The following KCTD16 variants were observed in gnomAD, a reference collection of about 807,000 sequenced individuals.
KCTD16 encodes the protein BTB/POZ domain-containing protein KCTD16.
KCTD16 carries 13 observed loss-of-function variants against 33.2 expected under a neutral mutation model. The observed-to-expected ratio is 0.39, with a 90% confidence interval of 0.25 to 0.62. The LOEUF is 0.62. Ranked by LOEUF, KCTD16 falls within the 20% of genes least tolerant of loss-of-function variation. The probability of loss-of-function intolerance (pLI) is 0.50; values close to 1 mark genes in which losing one functional copy is unlikely to be tolerated. For missense variants in KCTD16, 441 were observed against 525.1 expected, an observed-to-expected ratio of 0.84 and a Z score of 1.57; for synonymous variants, 197 against 195.3, an observed-to-expected ratio of 1.01 and a Z score of -0.07.
intron 3 of KCTD16, among the ~76,000 whole-genome samples, chr5:144,417,323 C>T (rs1476696902): frequency 6.6e-6 from 1 of 152,012 alleles, no homozygotes; most frequent in African/African-American, 2.4e-5. Flanking sequence ...TAGTGGATAT[C>T]AAATGGTGCC....
intron 3 of KCTD16, among the ~76,000 whole-genome samples, chr5:144,372,275 G>A (rs182791414): frequency 6.6e-6 from 1 of 151,682 alleles, no homozygotes; most frequent in Non-Finnish European, 1.5e-5. Context: ...TAAGGATTCA[G>A]TTAGAAAATG....
chr5:144,332,466 T>A (rs527544070), intron 3 of KCTD16, among the ~76,000 whole-genome samples: 5 of 152,222 alleles, frequency 3.3e-5, no homozygotes, highest in African/African-American at 1.2e-4. Context: ...TCTCTCTACC[T>A]GACAGTAGCA....
chr5:144,176,578 A>G (rs529954609), intron 2 of KCTD16, among the ~76,000 whole-genome samples: 139 of 148,756 alleles, frequency 9.3e-4, no homozygotes, highest in Middle Eastern at 3.4e-3. Flanking sequence ...AATTTTTTGT[A>G]TTTTTAGTAG....
intron 3 of KCTD16, among the ~76,000 whole-genome samples, chr5:144,470,994 A>G (rs1052348710): frequency 6.6e-6 from 1 of 152,176 alleles, no homozygotes; most frequent in East Asian, 1.9e-4. Context: ...AAGCCTGGCT[A>G]TGGTGAAACC....
Position 144,378,066 on chromosome 5 carries a change from T to C in KCTD16, c.833-95594T>C, listed in dbSNP as rs1752131976. On this transcript the variant is annotated intron_variant, in intron 3 of 3. Transcript: ENST00000512467. Reference sequence around the variant, plus strand: ...AAGAAAACAAAGGAACTTAAACACTTAGCAGATATTCAGATTTCCATGCAT... The same window carrying C: ...AAGAAAACAAAGGAACTTAAACACTCAGCAGATATTCAGATTTCCATGCAT... 3.9e-5 allele frequency among the ~76,000 whole-genome samples: 6 copies of C among 152,294 alleles called. No homozygotes were observed. In the South Asian group the frequency reaches 1.2e-3, roughly 32 times the overall value.
At chr5:144,331,747 A>G (rs1752364503) in intron 3 of KCTD16, among the ~76,000 whole-genome samples, 1 of 152,212 alleles carries the variant, frequency 6.6e-6, no homozygotes, top group African/African-American at 2.4e-5. Flanking sequence ...CTTAAGGAGC[A>G]GTGGGAAAGT....
Position 144,357,590 on chromosome 5 carries a change from T to G in KCTD16, c.833-116070T>G, listed in dbSNP as rs551146078. Among the ~76,000 whole-genome samples, 6 of 152,278 alleles carry G rather than the reference T, an allele frequency of 3.9e-5. No homozygotes were observed. The East Asian group carries it at 1.2e-3, about 29-fold the overall frequency. On this transcript the variant is annotated intron_variant, in intron 3 of 3. Coordinates refer to ENST00000512467, the MANE Select transcript of KCTD16 (RefSeq NM_020768.4). ...TAAATTAAATATAACCAAGGTATGCTCTCTCCAGAAACTCACAGCTCAGTG... is the reference window on the plus strand; with the variant it reads ...TAAATTAAATATAACCAAGGTATGCGCTCTCCAGAAACTCACAGCTCAGTG...
At chr5:144,359,126 A>G (rs1455887783) in intron 3 of KCTD16, among the ~76,000 whole-genome samples, 2 of 152,170 alleles carry the variant, frequency 1.3e-5, no homozygotes, top group African/African-American at 4.8e-5. Flanking sequence ...AGTCATACCC[A>G]ATACATACTT....
intron 3 of KCTD16, among the ~76,000 whole-genome samples, chr5:144,299,817 A>G (rs1312112565): frequency 6.6e-6 from 1 of 151,862 alleles, no homozygotes. Context: ...TTAAGTATGA[A>G]TAACCTTACT....
intron 3 of KCTD16, among the ~76,000 whole-genome samples, chr5:144,386,977 CT>C (rs34176085): frequency 0.031 from 4,542 of 146,376 alleles, 105 homozygotes; most frequent in African/African-American, 0.057. Context: ...TTACAAAGCA[CT>C]TTTTTTTTTT....
chr5:144,422,481 T>C (rs932999668), intron 3 of KCTD16, among the ~76,000 whole-genome samples: 1 of 152,198 alleles, frequency 6.6e-6, no homozygotes, highest in Non-Finnish European at 1.5e-5. Context: ...TTTCAGCAAG[T>C]GCTATTTATT....
In KCTD16 at chr5:144,196,014, A is replaced by G. The variant is rs1752933368; in HGVS notation, c.-326-10375A>G. Among the ~76,000 whole-genome samples, 5 of 152,276 alleles carry G rather than the reference A, an allele frequency of 3.3e-5. No homozygotes were observed. In the South Asian group the frequency reaches 1.0e-3, roughly 32 times the overall value. ...GGATTATAAGCTTAGTGAAGGTAAC[A>G]CTCATGTTTGATTCACTATTACATT... is the stretch of plus-strand genomic sequence containing the variant. On this transcript the variant is annotated intron_variant, in intron 2 of 3. Coordinates refer to ENST00000512467, the MANE Select transcript of KCTD16 (RefSeq NM_020768.4).
intron 2 of KCTD16, among the ~76,000 whole-genome samples, chr5:144,188,448 C>T (rs1261222304): frequency 6.6e-6 from 1 of 152,180 alleles, no homozygotes; most frequent in Non-Finnish European, 1.5e-5. Context: ...TAAGCTTTCT[C>T]ATCCTAACTC....
intron 3 of KCTD16, among the ~76,000 whole-genome samples, chr5:144,448,829 T>C (rs1359299893): frequency 6.6e-6 from 1 of 152,102 alleles, no homozygotes; most frequent in African/African-American, 2.4e-5. Flanking sequence ...ATGGCTTTTA[T>C]TATATCACAT....
chr5:144,435,037 G>A (rs1753544727), intron 3 of KCTD16, among the ~76,000 whole-genome samples: 1 of 152,060 alleles, frequency 6.6e-6, no homozygotes, highest in Non-Finnish European at 1.5e-5. Flanking sequence ...GTGGCCAGAG[G>A]CAAATGTCAA....
chr5:144,468,378 C>T (rs544610966), intron 3 of KCTD16, among the ~76,000 whole-genome samples: 1 of 152,276 alleles, frequency 6.6e-6, no homozygotes, highest in East Asian at 1.9e-4. Flanking sequence ...GTGTTCCTGA[C>T]TGACTCTGAT....
intron 2 of KCTD16, among the ~76,000 whole-genome samples, chr5:144,186,167 G>C (rs1347715837): frequency 2.0e-5 from 3 of 152,034 alleles, no homozygotes; most frequent in Non-Finnish European, 2.9e-5. Context: ...GCCCACAAAA[G>C]AAACAGAATA....
chr5:144,221,120 A>G (rs1016131724), intron 3 of KCTD16, among the ~76,000 whole-genome samples: 1 of 152,182 alleles, frequency 6.6e-6, no homozygotes, highest in Non-Finnish European at 1.5e-5. Context: ...ATTGTAAGAC[A>G]CTGAGTAGCA....
chr5:144,401,171 A>T (rs996411936), intron 3 of KCTD16, among the ~76,000 whole-genome samples: 19 of 152,216 alleles, frequency 1.2e-4, no homozygotes, highest in Non-Finnish European at 2.1e-4. Flanking sequence ...TATACATCAC[A>T]TTCACATTCC....
Sources: allele counts gnomAD v4.1 joint callset (sites outside exome capture counted in the v4.1 genomes callset), GRCh38; gene constraint gnomAD v4.1.1; transcripts MANE v1.5; gene names NCBI Gene and HGNC (gene_info 2026-07-23, HGNC 2026-07-21).